The following GLT1D1 variants were observed in gnomAD, a reference collection of about 807,000 sequenced individuals.
The protein encoded by GLT1D1 is glycosyltransferase 1 domain-containing protein 1.
In GLT1D1, 21 loss-of-function variants were observed where a neutral mutation model predicts 28.7. The ratio of observed to expected loss-of-function variants is 0.73; its 90% CI spans 0.52 to 1.05. The LOEUF (loss-of-function observed/expected upper bound fraction) is 1.05. Among genes scored for constraint, GLT1D1 ranks in the 50% least tolerant of loss-of-function variants. The probability of loss-of-function intolerance (pLI) is 0.00; values close to 1 mark genes in which losing one functional copy is unlikely to be tolerated. For missense variants in GLT1D1, 343 were observed against 330.6 expected, an observed-to-expected ratio of 1.04 and a Z score of -0.29; for synonymous variants, 147 against 124.8, an observed-to-expected ratio of 1.18 and a Z score of -1.19.
At chr12:128,954,878 C>CAGG (rs1214831969) in intron 6 of GLT1D1, among the ~76,000 whole-genome samples, 1 of 152,160 alleles carries the variant, frequency 6.6e-6, no homozygotes, top group Non-Finnish European at 1.5e-5. Flanking sequence ...TGCTTGAGCC[C>CAGG]AGGAGGTGAA....
At chr12:128,943,868 A>G (rs772569859) in intron 4 of GLT1D1, among the ~76,000 whole-genome samples, 4 of 152,236 alleles carry the variant, frequency 2.6e-5, no homozygotes, top group Non-Finnish European at 5.9e-5. Context: ...GATCTGTGCA[A>G]ACATTTCTGA....
chr12:128,894,785 G>A (rs925365824), intron 3 of GLT1D1, among the ~76,000 whole-genome samples: 2 of 151,982 alleles, frequency 1.3e-5, no homozygotes, highest in African/African-American at 2.4e-5. Flanking sequence ...AGGAGGCGGA[G>A]GTTACAGTGA....
chr12:128,964,163 C>T (rs932516535), intron 7 of GLT1D1, among the ~76,000 whole-genome samples: 4 of 152,200 alleles, frequency 2.6e-5, no homozygotes, highest in Admixed American at 6.5e-5. Flanking sequence ...GGCCAGATTG[C>T]TTGAGCCCAG....
At chr12:128,977,809 A>C (rs553679679) in intron 7 of GLT1D1, among the ~76,000 whole-genome samples, 3 of 130,696 alleles carry the variant, frequency 2.3e-5, no homozygotes, top group African/African-American at 9.0e-5. Flanking sequence ...ACAGAGTTTC[A>C]CTCTTGTCGC....
At chr12:128,874,128 T>C (rs12366519) in intron 1 of GLT1D1, among the ~76,000 whole-genome samples, 589 of 45,630 alleles carry the variant, frequency 0.013, no homozygotes, top group African/African-American at 0.021. Context: ...CTCTCTCTCT[T>C]TCTTTCTTTC....
intron 4 of GLT1D1, among the ~76,000 whole-genome samples, chr12:128,931,878 A>G (rs542193255): frequency 2.0e-5 from 3 of 148,766 alleles, no homozygotes; most frequent in African/African-American, 7.4e-5. Context: ...TGGGAACTAA[A>G]CACTGTGTTC....
chr12:128,958,940 C>T (rs1243717760), intron 7 of GLT1D1, among the ~76,000 whole-genome samples: 2 of 147,440 alleles, frequency 1.4e-5, no homozygotes, highest in Non-Finnish European at 3.0e-5. Context: ...TGGGCTCAAG[C>T]GATCCTCCCA....
rs1202782444 is a variant in GLT1D1, at chr12:128,874,118, CTCTCTCTCTTTCTTTCTTTCTTTCTT to C, written c.69-1792_69-1767del. ...TTTCTTTCTCTCTCTCTCTCTCTCT[CTCTCTCTCTTTCTTTCTTTCTTTCTT>C]TCTTTCTTTCTTTCTTTCTTTCTTT... On this transcript the variant is annotated intron_variant, in intron 1 of 7. Transcript: ENST00000281703. 1.5e-3 allele frequency among the ~76,000 whole-genome samples: 98 copies of C among 64,072 alleles called. 2 individuals are homozygous for C. Among genetic ancestry groups the C allele is most frequent in the East Asian group, 4.7e-3 (10 of 2,112 alleles). The allele number at this position is 64,072 out of a possible 152,430, so 42.0% of individuals were successfully genotyped here.
chr12:128,950,039 A>G (rs1237156965), intron 6 of GLT1D1, among the ~76,000 whole-genome samples: 2 of 152,006 alleles, frequency 1.3e-5, no homozygotes, highest in African/African-American at 4.8e-5. Context: ...TTTAACCTTG[A>G]CTAGTTTCTG....
At chr12:128,922,939 A>ATT (rs1467575579) in intron 4 of GLT1D1, among the ~76,000 whole-genome samples, 4 of 141,002 alleles carry the variant, frequency 2.8e-5, no homozygotes, top group African/African-American at 1.0e-4. Flanking sequence ...AAAAAAAAAA[A>ATT]AAAAAAAGAG....
chr12:128,870,916 G>A (rs988071073), intron 1 of GLT1D1, among the ~76,000 whole-genome samples: 9 of 152,090 alleles, frequency 5.9e-5, no homozygotes, highest in African/African-American at 1.7e-4. Context: ...GCTTGAACCC[G>A]TGAGGCAGAG....
intron 7 of GLT1D1, among the ~76,000 whole-genome samples, chr12:128,964,611 T>C (rs1878281610): frequency 1.3e-5 from 2 of 152,164 alleles, no homozygotes; most frequent in South Asian, 4.1e-4. Context: ...TTCCAGGACG[T>C]CAACACCTTC....
intron 4 of GLT1D1, among the ~76,000 whole-genome samples, chr12:128,932,672 T>C (rs1874052431): frequency 6.6e-6 from 1 of 152,162 alleles, no homozygotes; most frequent in African/African-American, 2.4e-5. Flanking sequence ...CCCCGAGCTG[T>C]CCTGGGATTT....
chr12:128,977,976 G>T (rs1245139708), intron 7 of GLT1D1, among the ~76,000 whole-genome samples: 4 of 151,564 alleles, frequency 2.6e-5, no homozygotes, highest in Non-Finnish European at 5.9e-5. Flanking sequence ...GTAGAGACAG[G>T]GTTTAACCAT....
Position 128,915,052 on chromosome 12 carries a change from GC to G in GLT1D1, c.375+15766del. ...TGCATCTTGTCAGTTACTTTCAGGA[GC>G]TTGTGACGTTCATGCGGTTTTGAAA... On this transcript the variant is annotated intron_variant, in intron 4 of 7. Transcript: ENST00000281703. 5 of 1,310,126 alleles carry G rather than the reference GC, an allele frequency of 3.8e-6. No individual in the cohort carries two copies. The East Asian group carries it at 1.3e-4, about 33-fold the overall frequency. 81.2% of individuals were successfully genotyped at this position (1,310,126 alleles called of 1,614,324 possible). A position where few individuals can be genotyped will look rare whatever the true frequency, so the allele number is the denominator to read the frequency against.
chr12:128,921,713 G>A (rs1268772478), intron 4 of GLT1D1, among the ~76,000 whole-genome samples: 8 of 152,108 alleles, frequency 5.3e-5, no homozygotes, highest in East Asian at 3.9e-4. Flanking sequence ...ATGCCAATGC[G>A]TCTTCAGAGC....
rs565658875 is a variant in GLT1D1 at position 128,979,969 on chromosome 12, G to A, written c.640-2960G>A. On this transcript the variant is annotated intron_variant, in intron 7 of 7. Transcript: ENST00000281703. Reference sequence around the variant, plus strand: ...AAATAGAACGGTTGTATGGGTGCCTGAAGTACAGTTTCTACCAAATGCATC... The same window carrying A: ...AAATAGAACGGTTGTATGGGTGCCTAAAGTACAGTTTCTACCAAATGCATC... 3.9e-5 allele frequency among the ~76,000 whole-genome samples: 6 copies of A among 152,352 alleles called. No homozygotes were observed. In the South Asian group the frequency reaches 1.2e-3, roughly 32 times the overall value.
chr12:128,919,727 G>A (rs1872460191), intron 4 of GLT1D1, among the ~76,000 whole-genome samples: 1 of 152,112 alleles, frequency 6.6e-6, no homozygotes, highest in African/African-American at 2.4e-5. Context: ...TAGTTACCTG[G>A]TCTTTGAGTT....
chr12:128,915,927 T>C (rs1252748279), intron 4 of GLT1D1, among the ~76,000 whole-genome samples: 1 of 152,232 alleles, frequency 6.6e-6, no homozygotes, highest in Non-Finnish European at 1.5e-5. Flanking sequence ...GGCAAATGTT[T>C]GACAAATGTA....
Sources: gnomAD v4.1 joint callset for allele counts (sites outside exome capture counted in the v4.1 genomes callset) on GRCh38, gnomAD v4.1.1 for gene constraint, MANE v1.5 for transcripts, NCBI Gene and HGNC (gene_info 2026-07-23, HGNC 2026-07-21) for gene names.